The following MTX2 variants were observed in gnomAD, a reference collection of about 807,000 sequenced individuals.
The protein encoded by MTX2 is metaxin-2.
A neutral mutation model predicts 42.3 loss-of-function variants in MTX2; 35 were observed. That is an observed-to-expected ratio of 0.83 (90% CI 0.63 to 1.10). MTX2 has a LOEUF of 1.10. MTX2 is among the 50% of genes least tolerant of loss of function. The probability of loss-of-function intolerance (pLI) is 0.00; values close to 1 mark genes in which losing one functional copy is unlikely to be tolerated. For synonymous variants in MTX2, 119 were observed against 100.9 expected (o/e 1.18, Z -1.08); for missense variants, 307 against 304.1 (o/e 1.01, Z -0.07).
chr2:176,296,348 G>A (rs1302276158), intron 1 of MTX2, among the ~76,000 whole-genome samples: 1 of 152,138 alleles, frequency 6.6e-6, no homozygotes, highest in East Asian at 1.9e-4. Context: ...AATACTGCCA[G>A]ATTGTGGGGA....
At chr2:176,281,919 A>G (rs879500584) in intron 1 of MTX2, among the ~76,000 whole-genome samples, 4 of 152,144 alleles carry the variant, frequency 2.6e-5, no homozygotes, top group East Asian at 1.9e-4. Flanking sequence ...AAGGCCTATC[A>G]TATGGAAAGA....
chr2:176,285,673 G>A (rs755795689), intron 1 of MTX2, among the ~76,000 whole-genome samples: 1 of 151,288 alleles, frequency 6.6e-6, no homozygotes, highest in Non-Finnish European at 1.5e-5. Context: ...CTTTTTGAGG[G>A]TCATCCATGT....
chr2:176,277,302 C>A (rs967652881), intron 1 of MTX2, among the ~76,000 whole-genome samples: 1 of 152,074 alleles, frequency 6.6e-6, no homozygotes, highest in African/African-American at 2.4e-5. Flanking sequence ...TGCTATTGCT[C>A]ACAATGAAGA....
chr2:176,289,036 A>C (rs1254917827), intron 1 of MTX2, among the ~76,000 whole-genome samples: 3 of 152,076 alleles, frequency 2.0e-5, no homozygotes, highest in African/African-American at 7.2e-5. Flanking sequence ...TCTTTAAGAG[A>C]CTTACGGGTA....
chr2:176,314,837 G>T (rs1399292663), intron 3 of MTX2, among the ~76,000 whole-genome samples: 1 of 152,094 alleles, frequency 6.6e-6, no homozygotes, highest in African/African-American at 2.4e-5. Flanking sequence ...ACGTTAAATT[G>T]ACTTTTCAGT....
rs558836593 is a variant in MTX2 at position 176,328,059 on chromosome 2, G to A, written c.286-234G>A. 6.0e-5 allele frequency among the ~76,000 whole-genome samples: 9 copies of A among 151,210 alleles called. No individual in the cohort carries two copies. The South Asian group carries it at 1.9e-3, about 31-fold the overall frequency. On this transcript the variant is annotated intron_variant, in intron 5 of 9. Transcript: ENST00000249442. ...TTCTTCTTTTGTGAAGTAGTTGATA[G>A]TGTAATTTTCTCTATTGAAAGATAC...
intron 1 of MTX2, among the ~76,000 whole-genome samples, chr2:176,295,210 C>T (rs1363053695): frequency 6.6e-6 from 1 of 152,018 alleles, no homozygotes; most frequent in Non-Finnish European, 1.5e-5. Flanking sequence ...TATTACTATG[C>T]TTTATTGCTA....
At chr2:176,289,696 T>G (rs1010064995) in intron 1 of MTX2, among the ~76,000 whole-genome samples, 1 of 152,066 alleles carries the variant, frequency 6.6e-6, no homozygotes, top group Non-Finnish European at 1.5e-5. Flanking sequence ...TAGGAGTACC[T>G]TAGAGTAAGT....
intron 1 of MTX2, among the ~76,000 whole-genome samples, chr2:176,290,764 T>C (rs950250096): frequency 6.6e-6 from 1 of 151,868 alleles, no homozygotes; most frequent in East Asian, 1.9e-4. Context: ...TTTTTTTTTT[T>C]TCCTCTCATG....
Position 176,303,952 on chromosome 2 carries a change from C to T in MTX2, c.135+6057C>T, listed in dbSNP as rs370136170. ...TTTTGTTTAAAAAGTAAATAGCAAG[C>T]AGGATTTTATAGTTTGTTGCTATTA... is the stretch of plus-strand genomic sequence containing the variant. On this transcript the variant is annotated intron_variant, in intron 3 of 9. Transcript: ENST00000249442. Among the ~76,000 whole-genome samples the T allele has an allele frequency of 5.3e-5, 8 of 151,906 alleles. No homozygotes were observed. In the South Asian group the frequency reaches 1.0e-3, roughly 20 times the overall value.
chr2:176,278,416 G>T (rs1177908728), intron 1 of MTX2, among the ~76,000 whole-genome samples: 2 of 152,108 alleles, frequency 1.3e-5, no homozygotes, highest in African/African-American at 4.8e-5. Context: ...GATCCCTTCA[G>T]AGGCTTGTTT....
In MTX2 at chr2:176,297,190, T is replaced by G. The variant is rs148476413; in HGVS notation, c.88+283T>G. Among the ~76,000 whole-genome samples the G allele has an allele frequency of 9.9e-5, 15 of 152,262 alleles. No homozygotes were observed. The East Asian group carries it at 2.1e-3, about 22-fold the overall frequency. On this transcript the variant is annotated intron_variant, in intron 2 of 9. Coordinates refer to ENST00000249442, the MANE Select transcript of MTX2 (RefSeq NM_006554.5). ...GCAGTTGGCAGATTTACTGCACCAA[T>G]AGCTGAGACAGCAGATTTTTGAAGT...
At position 176,277,781 on chromosome 2, in the gene MTX2, G is replaced by A. The variant is rs554819549; in HGVS notation, c.40+8112G>A. Among the ~76,000 whole-genome samples the A allele has an allele frequency of 3.3e-5, 5 of 152,064 alleles. No homozygotes were observed. In the South Asian group the frequency reaches 1.0e-3, roughly 32 times the overall value. On this transcript the variant is annotated intron_variant, in intron 1 of 9. Transcript: ENST00000249442. ...TGAGGATTTTCCAGTATTGAGGAAG[G>A]CACTGAGGAATTATTAAAAAGTTAT...
Position 176,329,313 on chromosome 2 carries a change from A to G in MTX2, c.430A>G (p.Arg144Gly), listed in dbSNP as rs1684797887. The change falls in exon 8 of 10, where the codon AGG becomes GGG. Residue 144 changes from arginine (R) to glycine (G), a missense_variant. Arg to Gly is a moderately radical substitution (Grantham distance 125, BLOSUM62 -2). Transcript: ENST00000249442. ...CTTTTTACTTTAGATCACTCATGCT[A>G]GGTATGGATCTCCTTACCCTTGGCC... ...EATVGEITHA[R>G]YGSPYPWPLN... 1 of 1,605,552 alleles carries G rather than the reference A, an allele frequency of 6.2e-7. No homozygotes were observed. The highest frequency in any genetic ancestry group is 8.5e-7 in the Non-Finnish European group (1 of 1,174,584).
At chr2:176,295,739 T>C (rs1471885542) in intron 1 of MTX2, among the ~76,000 whole-genome samples, 8 of 152,156 alleles carry the variant, frequency 5.3e-5, no homozygotes, top group Non-Finnish European at 1.0e-4. Context: ...TCCTTTTTCC[T>C]ATTCCAGGGA....
At chr2:176,297,967 T>C in intron 3 of MTX2, 72 bp downstream of exon 3, 3 of 1,187,626 alleles carry the variant, frequency 2.5e-6, no homozygotes, top group Non-Finnish European at 3.5e-6. Flanking sequence ...TGCAGTTATA[T>C]TTTTCCCCTT....
chr2:176,272,544 G>A (rs1442986599), intron 1 of MTX2, among the ~76,000 whole-genome samples: 1 of 151,948 alleles, frequency 6.6e-6, no homozygotes, highest in East Asian at 1.9e-4. Flanking sequence ...GTTATTATTT[G>A]TCAAAAACAT....
chr2:176,315,522 G>A (rs1334097123), intron 3 of MTX2, among the ~76,000 whole-genome samples: 1 of 152,078 alleles, frequency 6.6e-6, no homozygotes, highest in Admixed American at 6.6e-5. Context: ...TGCTTCAGTG[G>A]TTCTGCTCTC....
At chr2:176,322,064 A>T (rs1237786767) in intron 3 of MTX2, among the ~76,000 whole-genome samples, 1 of 152,154 alleles carries the variant, frequency 6.6e-6, no homozygotes, top group Non-Finnish European at 1.5e-5. Context: ...TGCATACATA[A>T]GTTACAGAGC....
Sources: gnomAD v4.1 joint callset for allele counts (sites outside exome capture counted in the v4.1 genomes callset) on GRCh38, gnomAD v4.1.1 for gene constraint, MANE v1.5 for transcripts, NCBI Gene and HGNC (gene_info 2026-07-23, HGNC 2026-07-21) for gene names.